DSTN: variants seen among roughly 807,000 people sequenced by gnomAD.
The protein encoded by DSTN is destrin.
In DSTN, 10 loss-of-function variants were observed where a neutral mutation model predicts 16.8. That is an observed-to-expected ratio of 0.60 (90% CI 0.37 to 1.01). The LOEUF (loss-of-function observed/expected upper bound fraction) is 1.01, where lower values mean the gene tolerates loss of function less well. DSTN is among the 50% of genes least tolerant of loss of function. The pLI is 0.01. For synonymous variants in DSTN, 57 were observed against 58.9 expected (o/e 0.97, Z 0.14); for missense variants, 141 against 196.7 (o/e 0.72, Z 1.69).
chr20:17,591,123 A>G (rs2035464494), intron 1 of DSTN, among the ~76,000 whole-genome samples: 1 of 152,158 alleles, frequency 6.6e-6, no homozygotes, highest in Admixed American at 6.5e-5. Flanking sequence ...CCCCCCAGAA[A>G]AACCACGGAA....
intron 1 of DSTN, among the ~76,000 whole-genome samples, chr20:17,597,774 G>A (rs2035542686): frequency 1.3e-5 from 2 of 152,182 alleles, no homozygotes; most frequent in African/African-American, 4.8e-5. Flanking sequence ...AGTTGTGTAT[G>A]CATCACTCCT....
chr20:17,580,916 G>T (rs1418641028), intron 1 of DSTN, among the ~76,000 whole-genome samples: 1 of 152,164 alleles, frequency 6.6e-6, no homozygotes, highest in Non-Finnish European at 1.5e-5. Context: ...AAGAGAATGA[G>T]CTTGACATTT....
chr20:17,597,562 C>T (rs776805996), intron 1 of DSTN, among the ~76,000 whole-genome samples: 1 of 152,166 alleles, frequency 6.6e-6, no homozygotes, highest in Non-Finnish European at 1.5e-5. Flanking sequence ...ATCCATCACC[C>T]GAATAACATA....
At chr20:17,573,741 G>A (rs1216899101) in intron 1 of DSTN, among the ~76,000 whole-genome samples, 1 of 151,954 alleles carries the variant, frequency 6.6e-6, no homozygotes, top group Non-Finnish European at 1.5e-5. Context: ...ATTTTATTTT[G>A]CATTTCTTTG....
chr20:17,594,497 G>A (rs141362479), intron 1 of DSTN, among the ~76,000 whole-genome samples: 76 of 152,164 alleles, frequency 5.0e-4, no homozygotes, highest in African/African-American at 1.7e-3. Context: ...TGTATTTAGT[G>A]TATTTAAAGA....
At chr20:17,596,488 C>G (rs2035527906) in intron 1 of DSTN, among the ~76,000 whole-genome samples, 1 of 152,176 alleles carries the variant, frequency 6.6e-6, no homozygotes, top group African/African-American at 2.4e-5. Context: ...TCGAGAGAAT[C>G]CTGGGGCTTC....
In DSTN at chr20:17,570,141, G is replaced by A. The variant is rs2035179181; in HGVS notation, c.-68G>A. Reference sequence around the variant, plus strand: ...GGTCTCTCGGTCCCGCAGCCGTGAGGAGGACGGTCTGCATACTCGCTGCCC... The same window carrying A: ...GGTCTCTCGGTCCCGCAGCCGTGAGAAGGACGGTCTGCATACTCGCTGCCC... On this transcript the variant is annotated 5_prime_UTR_variant, in exon 1 of 4. Transcript: ENST00000246069. 8 of 1,513,470 alleles carry A rather than the reference G, an allele frequency of 5.3e-6. No individual in the cohort carries two copies. In the Admixed American group the frequency reaches 1.2e-4, roughly 23 times the overall value. The allele number at this position is 1,513,470 out of a possible 1,614,324, so 93.8% of individuals were successfully genotyped here. A position where few individuals can be genotyped will look rare whatever the true frequency, so the allele number is the denominator to read the frequency against.
intron 1 of DSTN, among the ~76,000 whole-genome samples, chr20:17,583,735 CTTTTTTTTTT>C (rs71192397): frequency 0.028 from 2,046 of 72,572 alleles, 161 homozygotes; most frequent in African/African-American, 0.11. Context: ...TTTGGAGTTT[CTTTTTTTTTT>C]TTTTTTTTTT....
chr20:17,584,485 A>G (rs1310076119), intron 1 of DSTN, among the ~76,000 whole-genome samples: 3 of 152,068 alleles, frequency 2.0e-5, no homozygotes, highest in African/African-American at 7.2e-5. Context: ...CCCCATCTCT[A>G]CTAAAAATAC....
At chr20:17,605,241 G>A (rs917010927) in intron 3 of DSTN, 7 of 454,164 alleles carry the variant, frequency 1.5e-5, no homozygotes, top group Non-Finnish European at 2.7e-5. Flanking sequence ...CGTGCATGGG[G>A]CAAGTGCCCA....
chr20:17,573,328 T>TC (rs1190536545), intron 1 of DSTN, among the ~76,000 whole-genome samples: 1 of 152,110 alleles, frequency 6.6e-6, no homozygotes, highest in Non-Finnish European at 1.5e-5. Flanking sequence ...GTTTTTTTTT[T>TC]CCCAGGGGAG....
chr20:17,570,084 T>A lies in DSTN; in HGVS notation c.-125T>A. On this transcript the variant is annotated 5_prime_UTR_variant, in exon 1 of 4. Coordinates refer to ENST00000246069, the MANE Select transcript of DSTN (RefSeq NM_006870.4). ...GTCCTGAGGCGCGCCCGCCCCGGGG[T>A]AAGCTCGCGCCGCCGCGTCAGCTCA... 15 of 1,421,802 alleles carry A rather than the reference T, an allele frequency of 1.1e-5. No individual in the cohort carries two copies. The highest frequency in any genetic ancestry group is 1.4e-5 in the Non-Finnish European group (15 of 1,075,678). 88.1% of individuals were successfully genotyped at this position (1,421,802 alleles called of 1,614,324 possible).
At chr20:17,590,842 C>T (rs929534821) in intron 1 of DSTN, among the ~76,000 whole-genome samples, 15 of 152,172 alleles carry the variant, frequency 9.9e-5, no homozygotes, top group African/African-American at 3.4e-4. Flanking sequence ...CATGGTGGCT[C>T]ACACCTGTAA....
intron 1 of DSTN, among the ~76,000 whole-genome samples, chr20:17,575,964 T>C (rs1246413392): frequency 6.6e-6 from 1 of 152,266 alleles, no homozygotes; most frequent in Non-Finnish European, 1.5e-5. Flanking sequence ...CATGCCTCCT[T>C]TCATTGATGT....
chr20:17,571,407 A>C (rs1039347210), intron 1 of DSTN, among the ~76,000 whole-genome samples: 2 of 152,252 alleles, frequency 1.3e-5, no homozygotes, highest in African/African-American at 4.8e-5. Context: ...TTAGTGAAAG[A>C]AAAGATAAAC....
Position 17,574,385 on chromosome 20 carries a change from C to T in DSTN, c.3+4174C>T, listed in dbSNP as rs568652387. Reference sequence around the variant, plus strand: ...CTGGTAGTGGTAGAATGTAGAGTGACTTAGGACAGAGTTCTTTCCTTCTTT... The same window carrying T: ...CTGGTAGTGGTAGAATGTAGAGTGATTTAGGACAGAGTTCTTTCCTTCTTT... On this transcript the variant is annotated intron_variant, in intron 1 of 3. Transcript: ENST00000246069. Among the ~76,000 whole-genome samples, 57 of 152,258 alleles carry T rather than the reference C, an allele frequency of 3.7e-4. No individual in the cohort carries two copies. In the South Asian group the frequency reaches 5.8e-3, roughly 15 times the overall value.
intron 1 of DSTN, among the ~76,000 whole-genome samples, chr20:17,585,066 T>G (rs2035391073): frequency 6.6e-6 from 1 of 152,234 alleles, no homozygotes; most frequent in Non-Finnish European, 1.5e-5. Flanking sequence ...TATGGATTAT[T>G]ATAAGGCTCT....
intron 1 of DSTN, among the ~76,000 whole-genome samples, chr20:17,587,607 TG>T (rs1297918535): frequency 6.6e-6 from 1 of 152,234 alleles, no homozygotes; most frequent in Non-Finnish European, 1.5e-5. Flanking sequence ...AAACTAGAAT[TG>T]AAGTCTTTAC....
chr20:17,582,683 A>C (rs2035359675), intron 1 of DSTN, among the ~76,000 whole-genome samples: 1 of 152,190 alleles, frequency 6.6e-6, no homozygotes, highest in Non-Finnish European at 1.5e-5. Flanking sequence ...CCTGCTTCAT[A>C]CTGTATGTTG....
Sources: gnomAD v4.1 joint callset for allele counts (sites outside exome capture counted in the v4.1 genomes callset) on GRCh38, gnomAD v4.1.1 for gene constraint, MANE v1.5 for transcripts, NCBI Gene and HGNC (gene_info 2026-07-23, HGNC 2026-07-21) for gene names.